Variants in SLC71A2 observed in about 807,000 individuals in gnomAD.
SLC71A2 encodes hippocampus abundant transcript-like 1.
At chr9:94,433,565 T>C in the SLC71A2 span, among the ~76,000 whole-genome samples, 1 of 151,038 alleles carries the variant, frequency 6.6e-6, no homozygotes, top group African/African-American at 2.5e-5. Context: ...TGGGTACTTT[T>C]TATTATTTAA....
At chr9:94,415,741 A>G in the SLC71A2 span, among the ~76,000 whole-genome samples, 1 of 152,062 alleles carries the variant, frequency 6.6e-6, no homozygotes, top group Admixed American at 6.6e-5. Flanking sequence ...TTGCACCCCT[A>G]TGAGAATCTA....
chr9:94,387,846 C>T, the SLC71A2 span, among the ~76,000 whole-genome samples: 2 of 152,166 alleles, frequency 1.3e-5, no homozygotes, highest in Non-Finnish European at 2.9e-5. Flanking sequence ...CCCTGCTCTA[C>T]ATTGTCTATT....
the SLC71A2 span, among the ~76,000 whole-genome samples, chr9:94,392,561 T>G: frequency 6.6e-6 from 1 of 151,848 alleles, no homozygotes; most frequent in Non-Finnish European, 1.5e-5. Flanking sequence ...AGTGCAGTGG[T>G]GTGATCTCGG....
the SLC71A2 span, among the ~76,000 whole-genome samples, chr9:94,457,732 CAGCATATAA>C: frequency 6.6e-6 from 1 of 152,234 alleles, no homozygotes; most frequent in African/African-American, 2.4e-5. Context: ...TTCTGAATGT[CAGCATATAA>C]AAGTTTTGGA....
chr9:94,381,316 G>A, the SLC71A2 span, among the ~76,000 whole-genome samples: 7 of 150,148 alleles, frequency 4.7e-5, no homozygotes, highest in East Asian at 1.9e-4. Flanking sequence ...GATTACAGGC[G>A]TGAGCTACTG....
chr9:94,459,555 C>A, the SLC71A2 span: 4 of 682,894 alleles, frequency 5.9e-6, no homozygotes, highest in Non-Finnish European at 9.4e-6. Flanking sequence ...CGCCATCATT[C>A]TGCTCATCCT....
chr9:94,430,183 G>A, the SLC71A2 span, among the ~76,000 whole-genome samples: 3 of 147,724 alleles, frequency 2.0e-5, no homozygotes, highest in Non-Finnish European at 3.0e-5. Flanking sequence ...GATTACAGGC[G>A]TGAACCACCG....
chr9:94,405,262 G>T, the SLC71A2 span, among the ~76,000 whole-genome samples: 1 of 152,150 alleles, frequency 6.6e-6, no homozygotes, highest in Non-Finnish European at 1.5e-5. Flanking sequence ...TTGGAAGGCT[G>T]AGGCGGGCAG....
the SLC71A2 span, among the ~76,000 whole-genome samples, chr9:94,381,542 C>T: frequency 5.9e-5 from 9 of 152,328 alleles, no homozygotes; most frequent in African/African-American, 1.9e-4. Flanking sequence ...GGACTTTCGG[C>T]TTCTCACCAG....
At chr9:94,446,314 T>G in the SLC71A2 span, among the ~76,000 whole-genome samples, 1 of 152,262 alleles carries the variant, frequency 6.6e-6, no homozygotes, top group Non-Finnish European at 1.5e-5. Context: ...GTTGTAACAT[T>G]CAACAAGTTC....
the SLC71A2 span, among the ~76,000 whole-genome samples, chr9:94,446,602 A>AT: frequency 6.6e-6 from 1 of 151,140 alleles, no homozygotes; most frequent in Non-Finnish European, 1.5e-5. Context: ...TTGTGGGTTT[A>AT]TTTTTTTGCT....
chr9:94,421,430 T>A, the SLC71A2 span, among the ~76,000 whole-genome samples: 408 of 152,314 alleles, frequency 2.7e-3, 1 homozygote, highest in African/African-American at 9.4e-3. Flanking sequence ...TTTAATATTA[T>A]ATAAGTGGAA....
the SLC71A2 span, among the ~76,000 whole-genome samples, chr9:94,383,757 C>T: frequency 6.6e-6 from 1 of 151,912 alleles, no homozygotes; most frequent in East Asian, 1.9e-4. Flanking sequence ...TTGATCAAGT[C>T]TTCTGATGCA....
At chr9:94,449,510 C>G in the SLC71A2 span, among the ~76,000 whole-genome samples, 2 of 152,168 alleles carry the variant, frequency 1.3e-5, no homozygotes, top group African/African-American at 4.8e-5. Flanking sequence ...TACTAGCCGT[C>G]AAGGACATGC....
the SLC71A2 span, among the ~76,000 whole-genome samples, chr9:94,455,058 A>G: frequency 7.2e-5 from 11 of 151,856 alleles, no homozygotes; most frequent in Non-Finnish European, 1.5e-4. Flanking sequence ...CATAATTTAG[A>G]GAAACTAGAA....
the SLC71A2 span, among the ~76,000 whole-genome samples, chr9:94,377,916 C>T: frequency 6.6e-6 from 1 of 152,058 alleles, no homozygotes; most frequent in East Asian, 1.9e-4. Context: ...ACCATCCTGG[C>T]CAACATGGTG....
the SLC71A2 span, among the ~76,000 whole-genome samples, chr9:94,398,010 A>G: frequency 2.6e-5 from 4 of 151,900 alleles, no homozygotes; most frequent in African/African-American, 9.7e-5. Flanking sequence ...TATTCCACCT[A>G]CTTGGGGGCA....
the SLC71A2 span, chr9:94,445,025 C>G: frequency 3.7e-6 from 6 of 1,614,174 alleles, no homozygotes; most frequent in Non-Finnish European, 5.1e-6. Context: ...TATCTTTCTG[C>G]CAGTTACGGA....
chr9:94,439,102 A>G, the SLC71A2 span, among the ~76,000 whole-genome samples: 3 of 136,682 alleles, frequency 2.2e-5, no homozygotes, highest in Non-Finnish European at 3.0e-5. Flanking sequence ...GCTTACTGCA[A>G]CCTCCGCCTC....
Sources: gnomAD v4.1 joint callset for allele counts (sites outside exome capture counted in the v4.1 genomes callset) on GRCh38, gnomAD v4.1.1 for gene constraint, MANE v1.5 for transcripts, NCBI Gene and HGNC (gene_info 2026-07-23, HGNC 2026-07-21) for gene names.